The following ZW10 variants were observed in gnomAD, a reference collection of about 807,000 sequenced individuals.
ZW10 encodes the protein centromere/kinetochore protein zw10 homolog.
A neutral mutation model predicts 87.8 loss-of-function variants in ZW10; 53 were observed. That is an observed-to-expected ratio of 0.60 (90% CI 0.48 to 0.76). ZW10 has a LOEUF of 0.76. ZW10 is among the 30% of genes least tolerant of loss of function. The pLI is 0.00. For missense variants in ZW10, 837 were observed against 923.0 expected, an observed-to-expected ratio of 0.91 and a Z score of 1.21; for synonymous variants, 312 against 329.2, an observed-to-expected ratio of 0.95 and a Z score of 0.57.
rs369313210 is a variant in ZW10, at chr11:113,760,923, T to C, written c.241-5A>G. ...TACGTGAAGATCCCGGCGGACCTAATTCACACATCAAAAACAAGTACTTTT... is the reference window on the plus strand; with the variant it reads ...TACGTGAAGATCCCGGCGGACCTAACTCACACATCAAAAACAAGTACTTTT... On this transcript the variant is annotated splice_region_variant and splice_polypyrimidine_tract_variant and intron_variant, in intron 2 of 15. Transcript: ENST00000200135. 201 of 1,612,838 alleles carry C rather than the reference T, an allele frequency of 1.2e-4. No individual in the cohort carries two copies. Among genetic ancestry groups the C allele is most frequent in the Non-Finnish European group, 1.7e-4 (196 of 1,179,394 alleles).
chr11:113,767,201 G>A (rs1274399745), intron 2 of ZW10, among the ~76,000 whole-genome samples: 3 of 145,422 alleles, frequency 2.1e-5, no homozygotes, highest in Non-Finnish European at 4.5e-5. Flanking sequence ...AAAGGATCTT[G>A]TTTGAGCCAC....
At chr11:113,754,776 A>G (rs1178348911) in intron 7 of ZW10, among the ~76,000 whole-genome samples, 1 of 151,932 alleles carries the variant, frequency 6.6e-6, no homozygotes, top group Non-Finnish European at 1.5e-5. Context: ...TTTTTTTAGT[A>G]GAGGCCAGGT....
At chr11:113,762,460 A>T (rs1347508245) in intron 2 of ZW10, among the ~76,000 whole-genome samples, 2 of 152,062 alleles carry the variant, frequency 1.3e-5, no homozygotes, top group Non-Finnish European at 2.9e-5. Flanking sequence ...ATTTTTAAAA[A>T]TTTTCTTTCT....
At chr11:113,733,862 A>G (rs564257569) in intron 15 of ZW10, 48 bp from the exon 16 acceptor site, 1 of 1,532,366 alleles carries the variant, frequency 6.5e-7, no homozygotes, top group Admixed American at 2.2e-5. Context: ...TCTCTGAAGT[A>G]TAAGCAAGAC....
At chr11:113,761,615 C>T (rs1319625454) in intron 2 of ZW10, among the ~76,000 whole-genome samples, 2 of 152,152 alleles carry the variant, frequency 1.3e-5, no homozygotes, top group Admixed American at 6.5e-5. Flanking sequence ...ATCTACCTCT[C>T]ATTCTGTCCC....
At chr11:113,760,485 C>T (rs371989701) in intron 4 of ZW10, 28 bp downstream of exon 4, 350 of 1,605,868 alleles carry the variant, frequency 2.2e-4, no homozygotes, top group Non-Finnish European at 2.6e-4. Flanking sequence ...GCACTTATTG[C>T]GCATGCTTTG....
Position 113,739,351 on chromosome 11 carries a change from C to CA in ZW10, c.1614dup (p.Ala539CysfsTer31). On this transcript the variant is annotated frameshift_variant, in exon 12 of 16. Transcript: ENST00000200135. LOFTEE classifies it high-confidence loss of function. ...TACATACAGTTGTTGTGATGAATAG[C>CA]AGCCAACTGGGGAAGTTTTTGAAGG... is the stretch of plus-strand genomic sequence containing the variant. 1 of 1,603,230 alleles carries CA rather than the reference C, an allele frequency of 6.2e-7. No homozygotes were observed. The highest frequency in any genetic ancestry group is 1.3e-5 in the African/African-American group (1 of 74,288).
Position 113,736,648 on chromosome 11 carries a change from G to A in ZW10, c.2191C>T (p.Gln731Ter). The change falls in exon 15 of 16, where the codon CAA becomes TAA. Residue 731 changes from glutamine (Q) to a stop codon, truncating the protein, a stop_gained. Transcript: ENST00000200135. LOFTEE classifies it high-confidence loss of function. ...MPFKELMMML[Q>*]ASLQEIGDRW... The stretch of plus-strand genomic sequence containing the variant: ...TCCCCAATTTCTTGCAAGCTGGCTT[G>A]TAGCATCATCATCAATTCCTTGAAT... 2 of 1,614,206 alleles carry A rather than the reference G, an allele frequency of 1.2e-6. No homozygotes were observed. Among genetic ancestry groups the A allele is most frequent in the Non-Finnish European group, 1.7e-6 (2 of 1,180,036 alleles).
intron 2 of ZW10, among the ~76,000 whole-genome samples, chr11:113,763,757 T>C (rs763405740): frequency 3.2e-4 from 48 of 152,236 alleles, no homozygotes; most frequent in Non-Finnish European, 6.2e-4. Flanking sequence ...TTCTGGATAT[T>C]AGACCTTTGT....
intron 14 of ZW10, 131 bp downstream of exon 14, chr11:113,737,440 CT>C (rs751321367): frequency 1.2e-4 from 116 of 951,374 alleles, no homozygotes; most frequent in Non-Finnish European, 1.5e-4. Context: ...TAAAACAAAA[CT>C]GAAAAAAAAA....
chr11:113,756,898 T>C (rs1953792826), intron 7 of ZW10, among the ~76,000 whole-genome samples: 2 of 151,640 alleles, frequency 1.3e-5, no homozygotes, highest in Non-Finnish European at 2.9e-5. Context: ...AGCCTTAGGA[T>C]TTTTTTTTCT....
At chr11:113,759,994 C>G (rs548072283) in intron 5 of ZW10, among the ~76,000 whole-genome samples, 2 of 152,298 alleles carry the variant, frequency 1.3e-5, no homozygotes, top group East Asian at 3.9e-4. Context: ...GGGAACAGGA[C>G]AGCTAAGAGG....
At chr11:113,773,518 C>T (rs1388516790) in intron 1 of ZW10, 44 bp downstream of exon 1, 2 of 1,553,832 alleles carry the variant, frequency 1.3e-6, no homozygotes, top group Non-Finnish European at 1.8e-6. Context: ...CACACAAGGA[C>T]CCGGAGTCCC....
intron 6 of ZW10, 33 bp from the exon 7 acceptor site, chr11:113,757,886 C>T: frequency 6.5e-7 from 1 of 1,535,438 alleles, no homozygotes; most frequent in Non-Finnish European, 8.8e-7. Context: ...ATCAAAAAAT[C>T]ACCATAAGAC....
At chr11:113,738,484 A>G (rs560922553) in intron 12 of ZW10, 90 bp from the exon 13 acceptor site, 1 of 1,263,828 alleles carries the variant, frequency 7.9e-7, no homozygotes, top group South Asian at 1.5e-5. Flanking sequence ...TAAACCATGT[A>G]TCTGTTCTGC....
chr11:113,766,294 G>C (rs1463122125), intron 2 of ZW10, among the ~76,000 whole-genome samples: 1 of 152,084 alleles, frequency 6.6e-6, no homozygotes, highest in Non-Finnish European at 1.5e-5. Flanking sequence ...GAGCTCAGGA[G>C]GTTGAGGCTG....
At chr11:113,762,233 A>G (rs899526845) in intron 2 of ZW10, among the ~76,000 whole-genome samples, 14 of 152,222 alleles carry the variant, frequency 9.2e-5, no homozygotes, top group African/African-American at 3.4e-4. Flanking sequence ...ACACAATGGT[A>G]AATATTTGTG....
chr11:113,738,165 A>C (rs1953573329), intron 13 of ZW10, 99 bp downstream of exon 13: 3 of 1,348,954 alleles, frequency 2.2e-6, no homozygotes, highest in Admixed American at 2.6e-5. Flanking sequence ...GAATCAACTG[A>C]ATACTTGTTA....
intron 2 of ZW10, among the ~76,000 whole-genome samples, chr11:113,766,065 C>T (rs984234019): frequency 2.6e-5 from 4 of 152,188 alleles, no homozygotes; most frequent in African/African-American, 4.8e-5. Flanking sequence ...AGGAGACTCA[C>T]GTCTTCTACA....
Sources: allele counts gnomAD v4.1 joint callset (sites outside exome capture counted in the v4.1 genomes callset), GRCh38; gene constraint gnomAD v4.1.1; transcripts MANE v1.5; gene names NCBI Gene and HGNC (gene_info 2026-07-23, HGNC 2026-07-21).